The following PLEKHG4 variants were observed in gnomAD, a reference collection of about 807,000 sequenced individuals.
The protein encoded by PLEKHG4 is puratrophin-1.
In PLEKHG4, 85 loss-of-function variants were observed where a neutral mutation model predicts 136.9. The ratio of observed to expected loss-of-function variants is 0.62; its 90% confidence interval spans 0.52 to 0.74. PLEKHG4 has a LOEUF of 0.74. PLEKHG4 is among the 30% of genes least tolerant of loss of function. The pLI is 0.00. For synonymous variants in PLEKHG4, 577 were observed against 646.9 expected, an observed-to-expected ratio of 0.89 and a Z score of 1.64; for missense variants, 1,317 against 1,527.8, an observed-to-expected ratio of 0.86 and a Z score of 2.30.
In PLEKHG4 at chr16:67,280,856, A is replaced by T; in HGVS notation, c.596-26A>T. 1 of 1,613,386 alleles carries T rather than the reference A, an allele frequency of 6.2e-7. No homozygotes were observed. The highest frequency in any genetic ancestry group is 8.5e-7 in the Non-Finnish European group (1 of 1,180,026). On this transcript the variant is annotated intron_variant, in intron 3 of 21. Transcript: ENST00000379344. This position sits in a 1 kb window ranked among gnomAD's most constrained non-coding sequence, Gnocchi z 4.4. ...TGGAGGTGGAGTGGCCCAATACGGC[A>T]GGAGTTCACTGCTTCCTCCCCACAG... is the stretch of plus-strand genomic sequence containing the variant.
intron 5 of PLEKHG4, 41 bp downstream of exon 5, chr16:67,281,225 CTTT>C (rs543438570): frequency 6.1e-4 from 668 of 1,093,094 alleles, no homozygotes; most frequent in Non-Finnish European, 7.0e-4. Flanking sequence ...CTTTTCTTTT[CTTT>C]TTTTTTTTTT....
Position 67,286,885 on chromosome 16 carries a change from G to C in PLEKHG4, c.2891G>C (p.Gly964Ala). 1.2e-6 allele frequency: 2 copies of C among 1,614,030 alleles called. No individual in the cohort carries two copies. The highest frequency in any genetic ancestry group is 1.7e-6 in the Non-Finnish European group (2 of 1,180,020). Residue 964 changes from glycine to alanine, a missense_variant, in exon 17 of 22, where the codon GGG becomes GCG. Coordinates refer to ENST00000379344, the MANE Select transcript of PLEKHG4 (RefSeq NM_001129729.3). ...AGCAAGCCTCGCCATGGGCCCACAG[G>C]GGTTGACACATTTGCCTACAAGCGC... Reference protein sequence around the residue: ...LFSKPRHGPTGVDTFAYKRSF... With the variant: ...LFSKPRHGPTAVDTFAYKRSF...
At chr16:67,286,083 C>T (rs74330121) in intron 14 of PLEKHG4, among the ~76,000 whole-genome samples, 191 bp from the exon 15 acceptor site, 12,309 of 152,130 alleles carry the variant, frequency 0.081, 784 homozygotes, top group African/African-American at 0.18. Flanking sequence ...TGTGGGCACA[C>T]CCCCTTTGCC....
rs763327631 is a variant in PLEKHG4, at chr16:67,288,383, G to C, written c.3437G>C (p.Gly1146Ala). Reference protein sequence around the residue: ...EAALEAEAELGGQPSLTAEDS... With the variant: ...EAALEAEAELAGQPSLTAEDS... ...GCACTGGAGGCTGAGGCAGAGCTGGGCGGCCAGCCCTCTTTGAGTATGTCT... is the reference window on the plus strand; with the variant it reads ...GCACTGGAGGCTGAGGCAGAGCTGGCCGGCCAGCCCTCTTTGAGTATGTCT... Residue 1146 changes from glycine to alanine, a missense_variant, in exon 20 of 22, where the codon GGC (glycine) becomes GCC (alanine). By Grantham distance (60) the Gly-to-Ala change is moderately conservative (BLOSUM62 0). Coordinates refer to ENST00000379344, the MANE Select transcript of PLEKHG4 (RefSeq NM_001129729.3). 3.7e-6 allele frequency: 6 copies of C among 1,611,764 alleles called. No homozygotes were observed. Among genetic ancestry groups the C allele is most frequent in the Non-Finnish European group, 5.1e-6 (6 of 1,179,952 alleles).
rs754468562 is a variant in PLEKHG4 at position 67,280,329 on chromosome 16, A to G, written c.285A>G (p.Glu95=). Residue 95 remains glutamate (E), a synonymous_variant, in exon 2 of 22, where the codon GAA becomes GAG. Coordinates refer to ENST00000379344, the MANE Select transcript of PLEKHG4 (RefSeq NM_001129729.3). The surrounding 1 kb of genome is among the most constrained non-coding windows in gnomAD (Gnocchi z 4.4). Reference sequence around the variant, plus strand: ...TAGAAAGCTCCTCAGTCCTGTCAGAAGGGCCAGGCCCCTCTGGAGTGGAGA... The same window carrying G: ...TAGAAAGCTCCTCAGTCCTGTCAGAGGGGCCAGGCCCCTCTGGAGTGGAGA... ...GTVESSSVLS[E]GPGPSGVESL... is the part of the protein sequence containing the mutation. 1.2e-6 allele frequency: 2 copies of G among 1,613,204 alleles called. No homozygotes were observed. The highest frequency in any genetic ancestry group is 1.7e-6 in the Non-Finnish European group (2 of 1,179,622).
At position 67,285,098 on chromosome 16, in the gene PLEKHG4, G is replaced by A; in HGVS notation, c.2078G>A (p.Cys693Tyr). Residue 693 changes from cysteine to tyrosine, a missense_variant, in exon 13 of 22, where the codon TGC becomes TAC. By Grantham distance (194) the Cys-to-Tyr change is radical. Transcript: ENST00000379344. ...GQSLSEPACHCHHAATIAACR... is the reference protein window; with the variant it reads ...GQSLSEPACHYHHAATIAACR... ...AGTCTCAGTGAACCTGCCTGCCACT[G>A]CCACCATGCGGCCACTATTGCTGCC... The A allele has an allele frequency of 6.2e-7, 1 of 1,613,430 alleles. No homozygotes were observed. Among genetic ancestry groups the A allele is most frequent in the Non-Finnish European group, 8.5e-7 (1 of 1,180,034 alleles).
At chr16:67,281,454 T>C in intron 5 of PLEKHG4, 113 bp from the exon 6 acceptor site, 1 of 891,740 alleles carries the variant, frequency 1.1e-6, no homozygotes, top group Non-Finnish European at 1.8e-6. Flanking sequence ...CTCGAACTCC[T>C]GAACTCAGGT....
chr16:67,281,697 G>A, intron 6 of PLEKHG4, 27 bp from the exon 7 acceptor site: 2 of 1,613,264 alleles, frequency 1.2e-6, no homozygotes, highest in East Asian at 4.5e-5. Flanking sequence ...CCCCAGGCCT[G>A]GGTCACAACA....
At chr16:67,283,949 A>G (rs1479784317) in intron 11 of PLEKHG4, among the ~76,000 whole-genome samples, 2 of 151,508 alleles carry the variant, frequency 1.3e-5, no homozygotes, top group East Asian at 1.9e-4. Flanking sequence ...CGTGGGGAGG[A>G]GCTGGGGGAG....
rs775644209 is a variant in PLEKHG4 at position 67,284,909 on chromosome 16, C to T, written c.1889C>T (p.Ala630Val). The T allele has an allele frequency of 1.4e-5, 23 of 1,612,250 alleles. No individual in the cohort carries two copies. The highest frequency in any genetic ancestry group is 6.7e-5 in the Admixed American group (4 of 59,938). Residue 630 changes from alanine (A) to valine (V), a missense_variant, in exon 13 of 22, where the codon GCG (alanine) becomes GTG (valine). Ala to Val is a moderately conservative substitution (Grantham distance 64). Transcript: ENST00000379344. The surrounding 1 kb of genome is among the most constrained non-coding windows in gnomAD (Gnocchi z 4.4). ...CGCCAGGAGTGCCGCTGGGCCTGGG[C>T]GCGGTGCCAGGACACCTGGCTGGCC... ...AIRQECRWAWARCQDTWLALD... is the reference protein window; with the variant it reads ...AIRQECRWAWVRCQDTWLALD...
chr16:67,287,198 C>A, intron 18 of PLEKHG4, 21 bp downstream of exon 18: 1 of 1,600,604 alleles, frequency 6.2e-7, no homozygotes. Flanking sequence ...GCCCCTCCTT[C>A]ACGCCACACT....
rs1310061257 is a variant in PLEKHG4, at chr16:67,279,986, A to T, written c.-59A>T. On this transcript the variant is annotated 5_prime_UTR_variant, in exon 2 of 22. Transcript: ENST00000379344. ...CACTCGACTGTCTTCAGCGCGGTTC[A>T]CACTGAGACCCAGCCCTCTCCCGCT... 10 of 1,568,570 alleles carry T rather than the reference A, an allele frequency of 6.4e-6. No individual in the cohort carries two copies. The highest frequency in any genetic ancestry group is 8.7e-6 in the Non-Finnish European group (10 of 1,151,186).
rs1481828202 is a variant in PLEKHG4, at chr16:67,288,199, C to A, written c.3253C>A (p.Pro1085Thr). 6.2e-7 allele frequency: 1 copy of A among 1,614,048 alleles called. No homozygotes were observed. The highest frequency in any genetic ancestry group is 1.1e-5 in the South Asian group (1 of 91,080). ...VRSRASIAVA[P>T]FDHDSLYLGA... ...CTCTCGGGCGTCCATTGCCGTAGCC[C>A]CGTTTGACCATGACAGCCTCTACCT... The change falls in exon 20 of 22, where the codon CCG becomes ACG. Residue 1085 changes from proline (P) to threonine (T), a missense_variant. Coordinates refer to ENST00000379344, the MANE Select transcript of PLEKHG4 (RefSeq NM_001129729.3).
chr16:67,278,974 CG>C, upstream of PLEKHG4: 1 of 152,450 alleles, frequency 6.6e-6, no homozygotes, highest in South Asian at 2.1e-4. Flanking sequence ...CACTCCCACC[CG>C]GATGGCAGCC....
intron 11 of PLEKHG4, among the ~76,000 whole-genome samples, chr16:67,283,116 T>A (rs561593694): frequency 2.0e-5 from 3 of 152,076 alleles, no homozygotes; most frequent in African/African-American, 7.2e-5. Context: ...CAAGCTTTTT[T>A]TGGGTGATTT....
chr16:67,288,603 G>C lies in PLEKHG4; in HGVS notation c.3569G>C (p.Cys1190Ser). The C allele has an allele frequency of 3.7e-6, 6 of 1,614,140 alleles. No individual in the cohort carries two copies. Among genetic ancestry groups the C allele is most frequent in the South Asian group, 1.1e-5 (1 of 91,080 alleles). The change falls in exon 21 of 22, where the codon TGT (cysteine) becomes TCT (serine). Residue 1190 changes from cysteine (C) to serine (S), a missense_variant and splice_region_variant. Cys to Ser is a moderately radical substitution (Grantham distance 112, BLOSUM62 -1). Transcript: ENST00000379344. The part of the protein sequence containing the change: ...ALGRGLEDLP[C>S]V ...GGTAGGGGCCTGGAGGACTTACCCT[G>C]TGTGAGTGCCATTTGCCCTATACCC...
At chr16:67,288,082 C>T in intron 19 of PLEKHG4, 68 bp downstream of exon 19, 1 of 1,521,216 alleles carries the variant, frequency 6.6e-7, no homozygotes, top group Non-Finnish European at 9.1e-7. Context: ...TGTGGCCCTC[C>T]ATTAGTGCTG....
Position 67,285,315 on chromosome 16 carries a change from G to A in PLEKHG4, c.2221G>A (p.Val741Met). The A allele has an allele frequency of 3.1e-6, 5 of 1,614,162 alleles. No individual in the cohort carries two copies. The highest frequency in any genetic ancestry group is 4.2e-6 in the Non-Finnish European group (5 of 1,180,042). The change falls in exon 14 of 22, where the codon GTG becomes ATG. Residue 741 changes from valine to methionine, a missense_variant. By Grantham distance (21) the Val-to-Met change is conservative (BLOSUM62 1). Transcript: ENST00000379344. ...GCTACAGCTGGTGCTGGCAGAGATG[G>A]TGGCCACGGAGCGGGAGTATGTCCG... ...NRLQLVLAEM[V>M]ATEREYVRAL...
At position 67,286,766 on chromosome 16, in the gene PLEKHG4, G is replaced by C. The variant is rs768131607; in HGVS notation, c.2772G>C (p.Gln924His). 1 of 1,614,064 alleles carries C rather than the reference G, an allele frequency of 6.2e-7. No individual in the cohort carries two copies. Among genetic ancestry groups the C allele is most frequent in the Non-Finnish European group, 8.5e-7 (1 of 1,179,900 alleles). ...CTCTGCAGGTTAACCTCAAGGAACA[G>C]GGGCAGCTGGTGCGACAGGATGAGT... is the stretch of plus-strand genomic sequence containing the variant. The part of the protein sequence containing the change: ...IQGCDVNLKE[Q>H]GQLVRQDEFV... The change falls in exon 17 of 22, where the codon CAG becomes CAC. Residue 924 changes from glutamine (Q) to histidine (H), a missense_variant. By Grantham distance (24) the Gln-to-His change is conservative. Coordinates refer to ENST00000379344, the MANE Select transcript of PLEKHG4 (RefSeq NM_001129729.3).
Sources: gnomAD v4.1 joint callset for allele counts (sites outside exome capture counted in the v4.1 genomes callset) on GRCh38, gnomAD v4.1.1 for gene constraint, Gnocchi (gnomAD v3.1) non-coding constraint, MANE v1.5 for transcripts, NCBI Gene and HGNC (gene_info 2026-07-23, HGNC 2026-07-21) for gene names.